Variants in NDUFS1 observed in about 807,000 individuals in gnomAD.
NDUFS1 encodes NADH-ubiquinone oxidoreductase 75 kDa subunit, mitochondrial.
NDUFS1 carries 61 observed loss-of-function variants against 84.4 expected under a neutral mutation model. The ratio of observed to expected loss-of-function variants is 0.72; its 90% CI spans 0.59 to 0.89. NDUFS1 has a LOEUF of 0.89. NDUFS1 is among the 40% of genes least tolerant of loss of function. The pLI, the probability that NDUFS1 is intolerant of heterozygous loss-of-function variation, is 0.00. For missense variants in NDUFS1, 891 were observed against 890.0 expected, an observed-to-expected ratio of 1.00 and a Z score of -0.01; for synonymous variants, 275 against 290.0, an observed-to-expected ratio of 0.95 and a Z score of 0.53.
chr2:206,144,004 AT>A lies in NDUFS1; in HGVS notation c.987+13del, dbSNP rs1256726524. ...TCACAAACACTATTTAACACTATTT[AT>A]TTCAAATTTTACCATTCCAGCTACG... On this transcript the variant is annotated intron_variant, in intron 10 of 18. Coordinates refer to ENST00000233190, the MANE Select transcript of NDUFS1 (RefSeq NM_005006.7). 6.4e-7 allele frequency: 1 copy of A among 1,571,440 alleles called. No individual in the cohort carries two copies. Among genetic ancestry groups the A allele is most frequent in the Admixed American group, 1.7e-5 (1 of 59,966 alleles).
intron 1 of NDUFS1, among the ~76,000 whole-genome samples, chr2:206,157,149 G>A (rs942490942): frequency 1.5e-4 from 23 of 152,190 alleles, no homozygotes; most frequent in Admixed American, 5.9e-4. Context: ...AAGGGGTTTC[G>A]CCATGTTGGC....
chr2:206,132,026 G>A (rs1255154054), intron 14 of NDUFS1, among the ~76,000 whole-genome samples: 1 of 152,102 alleles, frequency 6.6e-6, no homozygotes, highest in East Asian at 1.9e-4. Context: ...TTGGGAGGCT[G>A]AGGCAGGAGG....
Position 206,124,280 on chromosome 2 carries a change from A to G in NDUFS1, c.2093-4T>C, listed in dbSNP as rs766009095. 1.3e-6 allele frequency: 2 copies of G among 1,599,192 alleles called. No individual in the cohort carries two copies. The highest frequency in any genetic ancestry group is 1.1e-5 in the South Asian group (1 of 90,716). ...TGTGAGGCTCTGCTAATTGAATCTG[A>G]AAGATATTAAGAAAATGTCATTTTG... On this transcript the variant is annotated splice_region_variant and splice_polypyrimidine_tract_variant and intron_variant, in intron 18 of 18. Transcript: ENST00000233190.
In NDUFS1 at chr2:206,127,799, CAG is replaced by C. The variant is rs1179324500; in HGVS notation, c.1880_1881del (p.Ser627Ter). On this transcript the variant is annotated frameshift_variant, in exon 16 of 19. Coordinates refer to ENST00000233190, the MANE Select transcript of NDUFS1 (RefSeq NM_005006.7). LOFTEE classifies it high-confidence loss of function. ...REDWKIIRAL[S>X]EIAGMTLPYD... The stretch of plus-strand genomic sequence containing the variant: ...AAGAAATGACTCAGAAATTATACCT[CAG>C]AGAGTGCTCTTATAATTTTCCAGTC... 1.9e-6 allele frequency: 3 copies of C among 1,613,948 alleles called. No individual in the cohort carries two copies. Among genetic ancestry groups the C allele is most frequent in the Non-Finnish European group, 1.7e-6 (2 of 1,179,920 alleles).
At chr2:206,146,850 GA>G (rs1436905196) in intron 8 of NDUFS1, 52 bp downstream of exon 8, 19 of 1,506,806 alleles carry the variant, frequency 1.3e-5, no homozygotes, top group Non-Finnish European at 1.6e-5. Flanking sequence ...ATATTTTTTT[GA>G]ATAGTAATGA....
intron 12 of NDUFS1, among the ~76,000 whole-genome samples, chr2:206,140,906 CAT>C (rs1426692208): frequency 9.9e-5 from 13 of 131,960 alleles, no homozygotes; most frequent in Non-Finnish European, 1.9e-4. Context: ...TTCACACACA[CAT>C]ATATATGTAG....
chr2:206,126,391 G>C, intron 18 of NDUFS1, 148 bp downstream of exon 18: 1 of 777,604 alleles, frequency 1.3e-6, no homozygotes, highest in South Asian at 1.6e-5. Flanking sequence ...CAGAAAATAT[G>C]CTTACGTTAG....
intron 1 of NDUFS1, among the ~76,000 whole-genome samples, chr2:206,155,049 C>A (rs1311625483): frequency 1.3e-5 from 2 of 151,704 alleles, no homozygotes; most frequent in African/African-American, 2.4e-5. Flanking sequence ...CCTGCCTCAG[C>A]CTCCAGAGTA....
intron 10 of NDUFS1, among the ~76,000 whole-genome samples, chr2:206,143,794 T>G (rs1297438073): frequency 3.9e-5 from 6 of 152,204 alleles, no homozygotes; most frequent in Admixed American, 3.9e-4. Context: ...CTTTCTCTAC[T>G]ACAAGATTGT....
At chr2:206,135,988 G>A (rs1691694827) in intron 13 of NDUFS1, among the ~76,000 whole-genome samples, 1 of 151,766 alleles carries the variant, frequency 6.6e-6, no homozygotes, top group Admixed American at 6.6e-5. Context: ...CAGCAAAGCA[G>A]GAAGGCAGGC....
rs567565939 is a variant in NDUFS1, at chr2:206,130,398, AGGCTGGAGCGCAGTGGCGTGATCTC to A, written c.1554-181_1554-157del. On this transcript the variant is annotated intron_variant, in intron 14 of 18. Coordinates refer to ENST00000233190, the MANE Select transcript of NDUFS1 (RefSeq NM_005006.7). The stretch of plus-strand genomic sequence containing the variant: ...GCGATAGAGTCTCACTTTGTCGCCC[AGGCTGGAGCGCAGTGGCGTGATCTC>A]GGCTCACTGTAACCTCTGCCTCCTG... Among the ~76,000 whole-genome samples the A allele has an allele frequency of 3.4e-3, 518 of 152,298 alleles. 6 individuals carry two copies. The highest frequency in any genetic ancestry group is 0.012 in the African/African-American group (496 of 41,560).
Position 206,129,736 on chromosome 2 carries a change from C to T in NDUFS1, c.1708+352G>A, listed in dbSNP as rs974121988. Among the ~76,000 whole-genome samples, 68 of 151,824 alleles carry T rather than the reference C, an allele frequency of 4.5e-4. 1 individual carries two copies. Among genetic ancestry groups the T allele is most frequent in the East Asian group, 1.6e-3 (8 of 5,152 alleles). ...CCTCCCGAGTAGCTGGGATTACAGG[C>T]GCCCGCCACCACGCTCGGCTAATTT... On this transcript the variant is annotated intron_variant, in intron 15 of 18. Transcript: ENST00000233190.
chr2:206,136,035 T>G (rs1230665757), intron 13 of NDUFS1, among the ~76,000 whole-genome samples: 2 of 143,960 alleles, frequency 1.4e-5, no homozygotes, highest in African/African-American at 5.3e-5. Flanking sequence ...TGCATCAGCT[T>G]TTTTTTTTTT....
At position 206,142,850 on chromosome 2, in the gene NDUFS1, G is replaced by A; in HGVS notation, c.988-19C>T. ...TCTGCAACTAGAAACAGATGAAAAG[G>A]GCATCACCAAGAAACCTACACGCAG... is the stretch of plus-strand genomic sequence containing the variant. On this transcript the variant is annotated intron_variant, in intron 10 of 18. Coordinates refer to ENST00000233190, the MANE Select transcript of NDUFS1 (RefSeq NM_005006.7). 1 of 1,613,608 alleles carries A rather than the reference G, an allele frequency of 6.2e-7. No individual in the cohort carries two copies. The highest frequency in any genetic ancestry group is 1.7e-4 in the Middle Eastern group (1 of 6,058).
Position 206,144,996 on chromosome 2 carries a change from C to G in NDUFS1, c.768G>C (p.Ala256=). The change falls in exon 9 of 19, where the codon GCG becomes GCC. Residue 256 remains alanine, a synonymous_variant. Coordinates refer to ENST00000233190, the MANE Select transcript of NDUFS1 (RefSeq NM_005006.7). ...RKTESIDVMD[A]VGSNIVVSTR... Reference sequence around the variant, plus strand: ...TGCTAACCACAATATTACTTCCAACCGCATCCATTACATCAATGGATTCTG... The same window carrying G: ...TGCTAACCACAATATTACTTCCAACGGCATCCATTACATCAATGGATTCTG... 1.2e-6 allele frequency: 2 copies of G among 1,613,950 alleles called. No homozygotes were observed. The highest frequency in any genetic ancestry group is 1.7e-6 in the Non-Finnish European group (2 of 1,179,904).
chr2:206,124,572 G>A (rs1691213080), intron 18 of NDUFS1, among the ~76,000 whole-genome samples: 1 of 152,152 alleles, frequency 6.6e-6, no homozygotes, highest in Non-Finnish European at 1.5e-5. Context: ...AGGCGCGGTG[G>A]CTCACACCTG....
In NDUFS1 at chr2:206,127,801, G is replaced by T. The variant is rs1691350090; in HGVS notation, c.1880C>A (p.Ser627Tyr). 1 of 1,613,800 alleles carries T rather than the reference G, an allele frequency of 6.2e-7. No homozygotes were observed. Among genetic ancestry groups the T allele is most frequent in the African/African-American group, 1.3e-5 (1 of 74,912 alleles). ...REDWKIIRAL[S>Y]EIAGMTLPYD... ...GAAATGACTCAGAAATTATACCTCA[G>T]AGAGTGCTCTTATAATTTTCCAGTC... Residue 627 changes from serine to tyrosine, a missense_variant, in exon 16 of 19, where the codon TCT becomes TAT. Coordinates refer to ENST00000233190, the MANE Select transcript of NDUFS1 (RefSeq NM_005006.7).
At position 206,149,020 on chromosome 2, in the gene NDUFS1, C is replaced by T. The variant is rs780119400; in HGVS notation, c.338G>A (p.Arg113Lys). 7.5e-6 allele frequency: 12 copies of T among 1,604,334 alleles called. No homozygotes were observed. The highest frequency in any genetic ancestry group is 2.6e-6 in the Non-Finnish European group (3 of 1,171,854). ...LTNSEKSKKA[R>K]EGVMEFLLAN... ...ACTACATTGAATAACAATAAAGTAC[C>T]TGGCTTTTTTGGATTTTTCTGAGTT... Residue 113 changes from arginine to lysine, a missense_variant and splice_region_variant, in exon 5 of 19, where the codon AGG (arginine) becomes AAG (lysine). Arg to Lys is a conservative substitution (Grantham distance 26). Coordinates refer to ENST00000233190, the MANE Select transcript of NDUFS1 (RefSeq NM_005006.7).
rs1692275065 is a variant in NDUFS1, at chr2:206,149,151, G to T, written c.262-55C>A. On this transcript the variant is annotated intron_variant, in intron 4 of 18. Transcript: ENST00000233190. ...TATTTGTATTTATTTGTGATTACAA[G>T]CAACTCAATATATAAAAATGTTAAA... 3.1e-6 allele frequency: 4 copies of T among 1,275,770 alleles called. No individual in the cohort carries two copies. In the Admixed American group the frequency reaches 5.1e-5, roughly 16 times the overall value. The allele number at this position is 1,275,770 out of a possible 1,614,324, so 79.0% of individuals were successfully genotyped here.
Sources: allele counts gnomAD v4.1 joint callset (sites outside exome capture counted in the v4.1 genomes callset), GRCh38; gene constraint gnomAD v4.1.1; transcripts MANE v1.5; gene names NCBI Gene and HGNC (gene_info 2026-07-23, HGNC 2026-07-21).